OCA2: variants seen among roughly 807,000 people sequenced by gnomAD.
OCA2 encodes the protein P protein.
OCA2 carries 77 observed loss-of-function variants against 100.2 expected under a neutral mutation model. That is an observed-to-expected ratio of 0.77 (90% confidence interval 0.64 to 0.93). The LOEUF (loss-of-function observed/expected upper bound fraction) is 0.93. OCA2 is among the 40% of genes least tolerant of loss of function. The probability of loss-of-function intolerance (pLI) is 0.00; values close to 1 mark genes in which losing one functional copy is unlikely to be tolerated. For synonymous variants in OCA2, 432 were observed against 439.2 expected (o/e 0.98, Z 0.21); for missense variants, 1,062 against 1,089.1 (o/e 0.98, Z 0.35).
chr15:27,940,830 CTTT>C (rs1365423525), intron 18 of OCA2, among the ~76,000 whole-genome samples: 1 of 152,184 alleles, frequency 6.6e-6, no homozygotes, highest in Non-Finnish European at 1.5e-5. Context: ...CGAAAAACTG[CTTT>C]TTATTATTAA....
At chr15:27,877,435 T>C (rs2036837487) in intron 19 of OCA2, among the ~76,000 whole-genome samples, 1 of 151,976 alleles carries the variant, frequency 6.6e-6, no homozygotes, top group Non-Finnish European at 1.5e-5. Context: ...TAAAATCTTC[T>C]TCTATGATTG....
chr15:27,956,016 G>A (rs1358010603), intron 16 of OCA2, among the ~76,000 whole-genome samples: 2 of 152,144 alleles, frequency 1.3e-5, no homozygotes, highest in East Asian at 1.9e-4. Context: ...AGACACAGTC[G>A]AATGATTCTG....
At chr15:27,825,135 A>G (rs931663) in intron 23 of OCA2, among the ~76,000 whole-genome samples, 76,776 of 152,006 alleles carry the variant, frequency 0.51, 20,003 homozygotes, top group South Asian at 0.76. Flanking sequence ...TCTTAATTGA[A>G]AAGTGATTGC....
At chr15:27,935,573 G>A (rs2039422684) in intron 18 of OCA2, among the ~76,000 whole-genome samples, 1 of 152,164 alleles carries the variant, frequency 6.6e-6, no homozygotes, top group Admixed American at 6.5e-5. Flanking sequence ...TCCCGAAGAT[G>A]GACTGGTTTT....
intron 23 of OCA2, among the ~76,000 whole-genome samples, chr15:27,797,655 C>G (rs375044989): frequency 2.6e-5 from 4 of 152,136 alleles, no homozygotes; most frequent in African/African-American, 9.7e-5. Flanking sequence ...TAATTTGTTA[C>G]GTTTAGCCTG....
chr15:27,902,525 A>G (rs2037992036), intron 19 of OCA2, among the ~76,000 whole-genome samples: 2 of 152,220 alleles, frequency 1.3e-5, no homozygotes. Context: ...AAAAATAAAC[A>G]AAAGACATCG....
intron 23 of OCA2, among the ~76,000 whole-genome samples, chr15:27,810,203 A>G (rs1257525403): frequency 2.0e-5 from 3 of 152,218 alleles, no homozygotes; most frequent in Admixed American, 1.3e-4. Flanking sequence ...AAATAAAGCC[A>G]AATACTTACA....
At chr15:27,731,094 ACCC>A in the OCA2 span, among the ~76,000 whole-genome samples, 1 of 152,142 alleles carries the variant, frequency 6.6e-6, no homozygotes, top group Non-Finnish European at 1.5e-5. Flanking sequence ...CTATGACTTA[ACCC>A]TGTGTCACAG....
intron 23 of OCA2, chr15:27,776,671 C>T (rs975409338): frequency 2.6e-5 from 4 of 152,248 alleles, no homozygotes; most frequent in African/African-American, 9.6e-5. Flanking sequence ...GAGGATGTCG[C>T]TCCGCCCTAC....
At chr15:28,007,287 C>A (rs1368445432) in intron 9 of OCA2, among the ~76,000 whole-genome samples, 6 of 152,132 alleles carry the variant, frequency 3.9e-5, no homozygotes, top group African/African-American at 1.4e-4. Context: ...TAATTTTATA[C>A]AGTATAAGGG....
At chr15:27,881,832 C>T (rs1190697897) in intron 19 of OCA2, among the ~76,000 whole-genome samples, 1 of 152,106 alleles carries the variant, frequency 6.6e-6, no homozygotes, top group African/African-American at 2.4e-5. Flanking sequence ...CTCCTAGATT[C>T]ATTGATTATT....
chr15:27,864,303 C>A (rs1281684405), intron 21 of OCA2, among the ~76,000 whole-genome samples: 1 of 152,192 alleles, frequency 6.6e-6, no homozygotes, highest in South Asian at 2.1e-4. Context: ...ACCTGAGCTG[C>A]TAATAGTGCC....
At chr15:28,075,174 A>G (rs543276126) in intron 2 of OCA2, among the ~76,000 whole-genome samples, 1 of 152,248 alleles carries the variant, frequency 6.6e-6, no homozygotes, top group Non-Finnish European at 1.5e-5. Flanking sequence ...AAATTGGACA[A>G]CATCAAAATT....
At chr15:27,747,523 T>C in the OCA2 span, among the ~76,000 whole-genome samples, 2 of 152,166 alleles carry the variant, frequency 1.3e-5, no homozygotes, top group African/African-American at 4.8e-5. Flanking sequence ...GGCCATGAAG[T>C]GGGCAGGCCG....
At chr15:27,944,860 C>A (rs1293015911) in intron 18 of OCA2, among the ~76,000 whole-genome samples, 1 of 152,184 alleles carries the variant, frequency 6.6e-6, no homozygotes, top group African/African-American at 2.4e-5. Flanking sequence ...AACTCCTTCC[C>A]TACTGCAACA....
Position 27,914,950 on chromosome 15 carries a change from C to T in OCA2, c.2079+11177G>A, listed in dbSNP as rs536995925. Among the ~76,000 whole-genome samples, 24 of 152,204 alleles carry T rather than the reference C, an allele frequency of 1.6e-4. 1 individual carries two copies. In the South Asian group the frequency reaches 5.0e-3, roughly 32 times the overall value. On this transcript the variant is annotated intron_variant, in intron 19 of 23. Coordinates refer to ENST00000354638, the MANE Select transcript of OCA2 (RefSeq NM_000275.3). ...AACAAAGCTGGAGGCATCACATTAC[C>T]CAGCTTCAAACTATACTACATGACT...
intron 21 of OCA2, among the ~76,000 whole-genome samples, chr15:27,869,143 C>A (rs4778201): frequency 0.79 from 119,631 of 152,212 alleles, 48,098 homozygotes; most frequent in East Asian, 1. Flanking sequence ...ACAGTCACTC[C>A]GGGGAGATGC....
intron 9 of OCA2, among the ~76,000 whole-genome samples, chr15:28,005,038 TGTGTGCCG>T (rs1566786830): frequency 6.6e-6 from 1 of 152,084 alleles, no homozygotes; most frequent in African/African-American, 2.4e-5. Context: ...TGACAGAAAC[TGTGTGCCG>T]GCCTCGCCTC....
chr15:27,943,023 A>G (rs1424640241), intron 18 of OCA2, among the ~76,000 whole-genome samples: 1 of 152,194 alleles, frequency 6.6e-6, no homozygotes, highest in Non-Finnish European at 1.5e-5. Flanking sequence ...TAGTTTACAT[A>G]TATCAGGGCT....
Sources: gnomAD v4.1 joint callset for allele counts (sites outside exome capture counted in the v4.1 genomes callset) on GRCh38, gnomAD v4.1.1 for gene constraint, MANE v1.5 for transcripts, NCBI Gene and HGNC (gene_info 2026-07-23, HGNC 2026-07-21) for gene names.